SLCO1A2: variants seen among roughly 807,000 people sequenced by gnomAD.
The protein encoded by SLCO1A2 is solute carrier organic anion transporter family member 1A2, also known as OATP-1.
In SLCO1A2, 67 loss-of-function variants were observed where a neutral mutation model predicts 69.0. The observed-to-expected ratio is 0.97, with a 90% CI of 0.80 to 1.19. The LOEUF is 1.19. Ranked by LOEUF, SLCO1A2 falls within the 50% of genes most tolerant of loss-of-function variation. The pLI is 0.00. For synonymous variants in SLCO1A2, 260 were observed against 265.9 expected (o/e 0.98, Z 0.22); for missense variants, 787 against 793.7 (o/e 0.99, Z 0.10).
intron 12 of SLCO1A2, among the ~76,000 whole-genome samples, chr12:21,288,993 A>G (rs1043274544): frequency 2.0e-5 from 3 of 151,892 alleles, no homozygotes; most frequent in African/African-American, 7.3e-5. Flanking sequence ...TACCATGTAC[A>G]ATCACATTGA....
chr12:21,305,000 A>G (rs911520436), intron 5 of SLCO1A2, among the ~76,000 whole-genome samples: 1 of 152,238 alleles, frequency 6.6e-6, no homozygotes, highest in Non-Finnish European at 1.5e-5. Context: ...AGACAAAAAT[A>G]TATTTCTCTA....
At position 21,269,531 on chromosome 12, in the gene SLCO1A2, GTAATA is replaced by G; in HGVS notation, c.*12_*16del. 1 of 1,566,030 alleles carries G rather than the reference GTAATA, an allele frequency of 6.4e-7. No homozygotes were observed. ...AGCATGTTCTCTAATTCTGAAAAAA[GTAATA>G]TAATAGGACAATTACAATTTAGTTT... On this transcript the variant is annotated 3_prime_UTR_variant, in exon 15 of 15. Transcript: ENST00000683939.
At chr12:21,295,870 C>A in intron 9 of SLCO1A2, 78 bp from the exon 10 acceptor site, 1 of 762,622 alleles carries the variant, frequency 1.3e-6, no homozygotes, top group East Asian at 2.7e-5. Context: ...ATGTAATATG[C>A]CTTATATAAG....
chr12:21,301,176 T>C lies in SLCO1A2; in HGVS notation c.683A>G (p.Asn228Ser). 6.2e-7 allele frequency: 1 copy of C among 1,608,050 alleles called. No homozygotes were observed. Reference protein sequence around the residue: ...ANVYVDTGFVNTDDLIITPTD... With the variant: ...ANVYVDTGFVSTDDLIITPTD... ...AATAGATTTTATTGAATTACCTGTG[T>C]TCACAAATCCAGTGTCAACATAAAC... Residue 228 changes from asparagine to serine, a missense_variant, in exon 7 of 15, where the codon AAC becomes AGC. Physicochemically the swap from Asn to Ser is conservative, Grantham distance 46 (BLOSUM62 1). Coordinates refer to ENST00000683939, the MANE Select transcript of SLCO1A2 (RefSeq NM_001386879.1).
intron 1 of SLCO1A2, among the ~76,000 whole-genome samples, chr12:21,413,557 T>A (rs1414458993): frequency 1.3e-5 from 2 of 152,046 alleles, no homozygotes; most frequent in Non-Finnish European, 2.9e-5. Context: ...TGCATGACAG[T>A]CACACAGACA....
chr12:21,410,549 T>G (rs78182870), intron 1 of SLCO1A2, among the ~76,000 whole-genome samples: 5,061 of 152,280 alleles, frequency 0.033, 132 homozygotes, highest in Non-Finnish European at 0.049. Context: ...GCTTTTGGAT[T>G]GTTCTTTGGG....
chr12:21,349,547 T>A (rs573813273), intron 2 of SLCO1A2, among the ~76,000 whole-genome samples: 2 of 152,234 alleles, frequency 1.3e-5, no homozygotes, highest in African/African-American at 4.8e-5. Context: ...ATTCTCAAAC[T>A]TCAATCAGAA....
At chr12:21,413,239 T>TTTTC (rs1555133927) in intron 1 of SLCO1A2, among the ~76,000 whole-genome samples, 8 of 121,054 alleles carry the variant, frequency 6.6e-5, no homozygotes, top group East Asian at 6.0e-4. Context: ...TTCTTTTTCT[T>TTTTC]TTTTTTTTTT....
chr12:21,278,567 G>A (rs1456816633), intron 12 of SLCO1A2, among the ~76,000 whole-genome samples: 1 of 152,100 alleles, frequency 6.6e-6, no homozygotes, highest in South Asian at 2.1e-4. Context: ...AAGAAATTAA[G>A]GCAAAAGAAC....
chr12:21,405,343 G>A (rs1404323859), intron 1 of SLCO1A2, among the ~76,000 whole-genome samples: 1 of 151,806 alleles, frequency 6.6e-6, no homozygotes, highest in African/African-American at 2.4e-5. Context: ...TTCCCCTAGG[G>A]TTTTTATAGT....
rs527381773 is a variant in SLCO1A2 at position 21,340,520 on chromosome 12, C to T, written c.-62-5811G>A. 5.3e-5 allele frequency among the ~76,000 whole-genome samples: 8 copies of T among 152,080 alleles called. No individual in the cohort carries two copies. In the South Asian group the frequency reaches 8.3e-4, roughly 16 times the overall value. On this transcript the variant is annotated intron_variant, in intron 2 of 15. Transcript: ENST00000307378. The stretch of plus-strand genomic sequence containing the variant: ...GTTTCTCATTTTTAGTATTTGCCTC[C>T]GCATATATTTAGCTCCATTAGCACA...
At chr12:21,308,303 C>A (rs1949681124) in intron 4 of SLCO1A2, among the ~76,000 whole-genome samples, 1 of 151,886 alleles carries the variant, frequency 6.6e-6, no homozygotes, top group Non-Finnish European at 1.5e-5. Flanking sequence ...GAGAGCTCAA[C>A]AAGATTTTCA....
At chr12:21,417,189 A>G (rs1427736012) in intron 1 of SLCO1A2, among the ~76,000 whole-genome samples, 1 of 152,096 alleles carries the variant, frequency 6.6e-6, no homozygotes, top group Non-Finnish European at 1.5e-5. Flanking sequence ...AAGCAAGGCA[A>G]TTTTAATTAC....
intron 2 of SLCO1A2, among the ~76,000 whole-genome samples, chr12:21,352,886 C>T (rs1435621162): frequency 6.6e-6 from 1 of 152,202 alleles, no homozygotes; most frequent in Non-Finnish European, 1.5e-5. Flanking sequence ...TTGTCCCACT[C>T]AATTTACATT....
chr12:21,410,958 G>T (rs1473063631), intron 1 of SLCO1A2, among the ~76,000 whole-genome samples: 2 of 152,054 alleles, frequency 1.3e-5, no homozygotes, highest in African/African-American at 4.8e-5. Context: ...AACGAGTAAA[G>T]ATTCTTTGTG....
intron 1 of SLCO1A2, among the ~76,000 whole-genome samples, chr12:21,402,651 T>C (rs1408545380): frequency 2.6e-5 from 4 of 151,974 alleles, no homozygotes; most frequent in Non-Finnish European, 4.4e-5. Flanking sequence ...CTAACCATGA[T>C]TTAGATATAC....
In SLCO1A2 at chr12:21,273,028, C is replaced by CT. The variant is rs373022844; in HGVS notation, c.1793+1440dup. Among the ~76,000 whole-genome samples the CT allele has an allele frequency of 2.0e-4, 30 of 152,164 alleles. No homozygotes were observed. In the East Asian group the frequency reaches 3.3e-3, roughly 17 times the overall value. On this transcript the variant is annotated intron_variant, in intron 14 of 14. Transcript: ENST00000683939. ...AGACTCATAGGTCAGGGACAAAGGA[C>CT]TTTTTTTACTCACAACACAGCAGTC...
chr12:21,394,553 A>ACG (rs1366128274), intron 1 of SLCO1A2, among the ~76,000 whole-genome samples: 2 of 92,884 alleles, frequency 2.2e-5, no homozygotes, highest in Admixed American at 1.1e-4. Flanking sequence ...AAAATAACAC[A>ACG]CGCACACACA....
intron 1 of SLCO1A2, among the ~76,000 whole-genome samples, chr12:21,410,058 C>G (rs1941883503): frequency 6.6e-6 from 1 of 152,142 alleles, no homozygotes; most frequent in Non-Finnish European, 1.5e-5. Flanking sequence ...TGGATCACCC[C>G]CTTGTTCTTT....
Sources: allele counts gnomAD v4.1 joint callset (sites outside exome capture counted in the v4.1 genomes callset), GRCh38; gene constraint gnomAD v4.1.1; transcripts MANE v1.5; gene names NCBI Gene and HGNC (gene_info 2026-07-23, HGNC 2026-07-21).